LRRC73: variants seen among roughly 807,000 people sequenced by gnomAD.
The protein encoded by LRRC73 is leucine-rich repeat-containing protein 73.
Under a neutral mutation model 26.4 loss-of-function variants are expected in LRRC73, and 16 were observed. The observed-to-expected ratio is 0.61, with a 90% CI of 0.41 to 0.92. The LOEUF (loss-of-function observed/expected upper bound fraction) is 0.92, where lower values mean the gene tolerates loss of function less well. Among genes scored for constraint, LRRC73 ranks in the 40% least tolerant of loss-of-function variants. LRRC73 has a pLI of 0.00. For synonymous variants in LRRC73, 210 were observed against 179.8 expected (o/e 1.17, Z -1.34); for missense variants, 344 against 416.3 (o/e 0.83, Z 1.51).
At chr6:43,507,099 C>T (rs1582164698) in exon 6 of LRRC73, 3 of 848,392 alleles carry the variant, frequency 3.5e-6, no homozygotes, top group East Asian at 5.3e-5. Flanking sequence ...CTTCCCACCA[C>T]ACTGCCAGGA....
chr6:43,508,644 G>A, intron 2 of LRRC73, 116 bp downstream of exon 2: 1 of 1,446,342 alleles, frequency 6.9e-7, no homozygotes, highest in Non-Finnish European at 9.4e-7. Flanking sequence ...CCTGAGAGGA[G>A]TAGAAAGATG....
At chr6:43,509,059 G>C (rs1792589036) in intron 1 of LRRC73, 139 bp from the exon 2 acceptor site, 709 of 741,752 alleles carry the variant, frequency 9.6e-4, no homozygotes, top group Middle Eastern at 1.8e-3. Flanking sequence ...GAGAAGGAAA[G>C]TTCTAGATTC....
exon 2 of LRRC73, chr6:43,508,866 C>G (rs1168402116): frequency 1.2e-6 from 2 of 1,612,678 alleles, no homozygotes; most frequent in Non-Finnish European, 1.7e-6. Flanking sequence ...GGTGGAGGGC[C>G]AGGGCTGGGT....
At chr6:43,509,759 C>T (rs778378827) in exon 1 of LRRC73, 1 of 1,582,666 alleles carries the variant, frequency 6.3e-7, no homozygotes, top group South Asian at 1.1e-5. Context: ...GCGGCTCCCC[C>T]GAAATCTGGA....
exon 1 of LRRC73, chr6:43,509,699 G>A (rs767413791): frequency 3.1e-6 from 5 of 1,591,392 alleles, no homozygotes; most frequent in Non-Finnish European, 2.6e-6. Flanking sequence ...GCAGGCGCAC[G>A]GCGTTGTCGC....
intron 3 of LRRC73, 124 bp downstream of exon 3, chr6:43,508,174 C>G (rs916001007): frequency 5.8e-6 from 8 of 1,381,444 alleles, no homozygotes; most frequent in Middle Eastern, 1.8e-4. Flanking sequence ...ATCTCCTTGA[C>G]CCCTGGGGGC....
exon 2 of LRRC73, chr6:43,508,824 G>A (rs372960900): frequency 2.1e-5 from 34 of 1,613,038 alleles, no homozygotes; most frequent in Non-Finnish European, 2.7e-5. Context: ...CACCCAGCAT[G>A]CAGTCCCCCA....
intron 2 of LRRC73, 117 bp from the exon 3 acceptor site, chr6:43,508,537 A>G (rs1582167421): frequency 6.7e-7 from 1 of 1,497,930 alleles, no homozygotes; most frequent in Non-Finnish European, 9.1e-7. Context: ...CCTTACCCCC[A>G]CCATAGAGGT....
At position 43,507,939 on chromosome 6, in the gene LRRC73, C is replaced by T. The variant is rs770857075; in HGVS notation, c.557-13G>A. 7 of 1,607,024 alleles carry T rather than the reference C, an allele frequency of 4.4e-6. No individual in the cohort carries two copies. Among genetic ancestry groups the T allele is most frequent in the Admixed American group, 1.7e-5 (1 of 59,846 alleles). On this transcript the variant is annotated splice_polypyrimidine_tract_variant and intron_variant, in intron 3 of 5. Coordinates refer to ENST00000372441, the Ensembl canonical transcript of LRRC73. ...GCCACATGGTCACCTGGGGAGACAA[C>T]ACACGTGCACACATTCATACACATG...
chr6:43,509,371 G>C, intron 1 of LRRC73, 143 bp downstream of exon 1: 1 of 1,084,160 alleles, frequency 9.2e-7, no homozygotes, highest in Non-Finnish European at 1.3e-6. Flanking sequence ...GTGCTGTGAA[G>C]GCATGGGCCG....
At chr6:43,508,401 C>T in exon 3 of LRRC73, 1 of 1,613,632 alleles carries the variant, frequency 6.2e-7, no homozygotes, top group Admixed American at 1.7e-5. Flanking sequence ...GGTTGGCACT[C>T]AGCGTTAGCT....
At chr6:43,507,962 A>G (rs751106636) in intron 3 of LRRC73, 36 bp from the exon 4 acceptor site, 1 of 1,558,528 alleles carries the variant, frequency 6.4e-7, no homozygotes, top group South Asian at 1.1e-5. Context: ...ATTCATACAC[A>G]TGCCTGCTAA....
At chr6:43,509,951 G>A (rs1792614670) in exon 1 of LRRC73, 4 of 469,204 alleles carry the variant, frequency 8.5e-6, no homozygotes, top group Non-Finnish European at 1.3e-5. Flanking sequence ...TGCGGCGGAG[G>A]CTGCGGCGGG....
exon 6 of LRRC73, chr6:43,507,250 C>T (rs766785404): frequency 1.2e-6 from 2 of 1,613,884 alleles, no homozygotes; most frequent in Non-Finnish European, 1.7e-6. Context: ...ACATCTCGGT[C>T]TCAGCCAACA....
exon 1 of LRRC73, chr6:43,510,299 A>G (rs974660627): frequency 8.5e-5 from 13 of 153,004 alleles, no homozygotes; most frequent in African/African-American, 2.9e-4. Context: ...GCTGGCAGAG[A>G]GAGCCTGAGG....
exon 4 of LRRC73, chr6:43,507,854 C>T: frequency 6.2e-7 from 1 of 1,613,884 alleles, no homozygotes; most frequent in Non-Finnish European, 8.5e-7. Flanking sequence ...GAGCCCTGTG[C>T]CCTCCAAGTC....
chr6:43,508,450 T>C (rs781345135), intron 2 of LRRC73, 30 bp from the exon 3 acceptor site: 7 of 1,612,498 alleles, frequency 4.3e-6, no homozygotes, highest in East Asian at 2.2e-5. Flanking sequence ...GAAACCAGAA[T>C]AGGGAGGGTT....
exon 5 of LRRC73, chr6:43,507,548 A>T (rs1354497616): frequency 6.2e-7 from 1 of 1,613,650 alleles, no homozygotes; most frequent in South Asian, 1.1e-5. Flanking sequence ...CCCTCCTGCC[A>T]CTTCCTCCTC....
At chr6:43,507,226 C>G in exon 6 of LRRC73, 3 of 1,613,514 alleles carry the variant, frequency 1.9e-6, no homozygotes, top group South Asian at 2.2e-5. Flanking sequence ...TGTGCAGAGG[C>G]CCAGTGGAGA....
Sources: gnomAD v4.1 joint callset for allele counts on GRCh38, gnomAD v4.1.1 for gene constraint, MANE v1.5 for transcripts, NCBI Gene and HGNC (gene_info 2026-07-23, HGNC 2026-07-21) for gene names.